HAO1: variants seen among roughly 807,000 people sequenced by gnomAD.
HAO1 encodes the protein hydroxyacid oxidase 1.
In HAO1, 34 loss-of-function variants were observed where a neutral mutation model predicts 39.7. The observed-to-expected ratio is 0.86, with a 90% CI of 0.65 to 1.14. The LOEUF is 1.14. Ranked by LOEUF, HAO1 falls within the 50% of genes most tolerant of loss-of-function variation. The pLI is 0.00. For missense variants in HAO1, 479 were observed against 464.5 expected (o/e 1.03, Z -0.29); for synonymous variants, 172 against 173.2 (o/e 0.99, Z 0.05).
chr20:7,919,997 TATTC>T (rs2050323568), intron 2 of HAO1, among the ~76,000 whole-genome samples: 1 of 152,168 alleles, frequency 6.6e-6, no homozygotes, highest in Non-Finnish European at 1.5e-5. Context: ...CTAATGACCA[TATTC>T]ATCACCTCAC....
chr20:7,928,045 GATC>G (rs2050367589), intron 2 of HAO1, among the ~76,000 whole-genome samples: 3 of 152,172 alleles, frequency 2.0e-5, no homozygotes, highest in Admixed American at 2.0e-4. Context: ...AAATGCTGGT[GATC>G]ATCATTTTTC....
intron 7 of HAO1, 137 bp from the exon 8 acceptor site, chr20:7,883,800 A>G (rs1160693727): frequency 1.4e-6 from 1 of 723,378 alleles, no homozygotes; most frequent in Non-Finnish European, 2.4e-6. Flanking sequence ...CTTATGTGGC[A>G]TGAGACCATT....
intron 1 of HAO1, among the ~76,000 whole-genome samples, chr20:7,935,330 G>A (rs1040204262): frequency 2.0e-4 from 31 of 152,274 alleles, no homozygotes; most frequent in Admixed American, 1.2e-3. Flanking sequence ...TTCACGTACA[G>A]GTTCTTGTGT....
chr20:7,893,703 C>T (rs775474612), intron 5 of HAO1, among the ~76,000 whole-genome samples: 24 of 152,136 alleles, frequency 1.6e-4, no homozygotes, highest in Non-Finnish European at 8.8e-5. Flanking sequence ...AATCAGCACT[C>T]GCCACTTTCC....
chr20:7,905,556 T>A (rs956744205), intron 4 of HAO1, among the ~76,000 whole-genome samples: 3 of 152,172 alleles, frequency 2.0e-5, no homozygotes, highest in African/African-American at 7.2e-5. Flanking sequence ...ATTATAGTCA[T>A]TGGTATCTCC....
chr20:7,898,766 G>A (rs1053932343), intron 4 of HAO1, among the ~76,000 whole-genome samples: 1 of 152,038 alleles, frequency 6.6e-6, no homozygotes, highest in African/African-American at 2.4e-5. Context: ...ATATTGCACA[G>A]CTCACCTTCA....
chr20:7,897,456 C>T (rs562329601), intron 4 of HAO1, among the ~76,000 whole-genome samples: 1 of 151,684 alleles, frequency 6.6e-6, no homozygotes, highest in Non-Finnish European at 1.5e-5. Context: ...ATAATTTTTT[C>T]TTTCTATTTA....
At chr20:7,935,055 T>C (rs62198476) in intron 1 of HAO1, among the ~76,000 whole-genome samples, 12,722 of 152,258 alleles carry the variant, frequency 0.084, 881 homozygotes, top group East Asian at 0.31. Flanking sequence ...CATTTTTTCT[T>C]TGTCCTGATA....
chr20:7,896,498 T>C (rs1156722527), intron 4 of HAO1, among the ~76,000 whole-genome samples: 1 of 152,190 alleles, frequency 6.6e-6, no homozygotes, highest in Non-Finnish European at 1.5e-5. Flanking sequence ...CTTTGTTTTA[T>C]ACAAGGCTAT....
At chr20:7,908,883 C>A (rs6086278) in intron 3 of HAO1, among the ~76,000 whole-genome samples, 1 of 152,022 alleles carries the variant, frequency 6.6e-6, no homozygotes, top group Non-Finnish European at 1.5e-5. Context: ...CCATGGAGAC[C>A]TATTTCATTA....
At position 7,913,298 on chromosome 20, in the gene HAO1, A is replaced by G. The variant is rs186513549; in HGVS notation, c.545+866T>C. Among the ~76,000 whole-genome samples, 10 of 152,128 alleles carry G rather than the reference A, an allele frequency of 6.6e-5. No homozygotes were observed. The East Asian group carries it at 1.9e-3, about 30-fold the overall frequency. The stretch of plus-strand genomic sequence containing the variant: ...ATTCTGATGGATGCTGTAGGAGTCC[A>G]TCATAAAAATGTCCTCCATTAAAAC... On this transcript the variant is annotated intron_variant, in intron 3 of 7. Transcript: ENST00000378789.
intron 2 of HAO1, among the ~76,000 whole-genome samples, chr20:7,925,837 T>A (rs2050356735): frequency 6.6e-6 from 1 of 152,130 alleles, no homozygotes; most frequent in African/African-American, 2.4e-5. Flanking sequence ...ATCGTAGAAA[T>A]CACTCCATTC....
chr20:7,883,347 GTT>G lies in HAO1; in HGVS notation c.*244_*245del, dbSNP rs1056713762. 1.9e-5 allele frequency: 10 copies of G among 517,874 alleles called. No homozygotes were observed. The highest frequency in any genetic ancestry group is 3.1e-5 in the Non-Finnish European group (9 of 287,968). 32.1% of individuals were successfully genotyped at this position (517,874 alleles called of 1,614,324 possible). ...GACGTTGTCTAAACACATTTTCAAT[GTT>G]TTCTTTTTAACAGTTAATATATTTC... On this transcript the variant is annotated 3_prime_UTR_variant, in exon 8 of 8. Coordinates refer to ENST00000378789, the MANE Select transcript of HAO1 (RefSeq NM_017545.3).
chr20:7,924,194 G>GTGTTGTTGT (rs3835201), intron 2 of HAO1, among the ~76,000 whole-genome samples: 6,287 of 148,674 alleles, frequency 0.042, 335 homozygotes, highest in East Asian at 0.25. Context: ...AGTTTGGGTT[G>GTGTTGTTGT]TGTTGTTGTT....
At position 7,883,543 on chromosome 20, in the gene HAO1, G is replaced by C; in HGVS notation, c.*50C>G. The C allele has an allele frequency of 7.5e-7, 1 of 1,341,374 alleles. No individual in the cohort carries two copies. Among genetic ancestry groups the C allele is most frequent in the Non-Finnish European group, 1.1e-6 (1 of 931,042 alleles). 83.1% of individuals were successfully genotyped at this position (1,341,374 alleles called of 1,614,324 possible). Reference sequence around the variant, plus strand: ...CCTCTGCACAGTGTCTCTTTGTCAAGTAATACATGCTGAAAAAAAATAATA... The same window carrying C: ...CCTCTGCACAGTGTCTCTTTGTCAACTAATACATGCTGAAAAAAAATAATA... On this transcript the variant is annotated 3_prime_UTR_variant, in exon 8 of 8. Transcript: ENST00000378789.
chr20:7,927,319 T>G (rs2050363913), intron 2 of HAO1, among the ~76,000 whole-genome samples: 1 of 152,190 alleles, frequency 6.6e-6, no homozygotes, highest in African/African-American at 2.4e-5. Flanking sequence ...TCCTTCCATA[T>G]GTTAAATATT....
chr20:7,904,520 G>C (rs913442405), intron 4 of HAO1, among the ~76,000 whole-genome samples: 1 of 152,142 alleles, frequency 6.6e-6, no homozygotes, highest in Non-Finnish European at 1.5e-5. Context: ...CTATTGGCTT[G>C]ATATCATGGC....
Position 7,895,116 on chromosome 20 carries a change from C to T in HAO1, c.813+17G>A, listed in dbSNP as rs8124232. Reference sequence around the variant, plus strand: ...TGGGAACTCCAAAAGGAAATCTTAGCGTCTGCCAAAACTCACAGTGGCTGG... The same window carrying T: ...TGGGAACTCCAAAAGGAAATCTTAGTGTCTGCCAAAACTCACAGTGGCTGG... On this transcript the variant is annotated intron_variant, in intron 5 of 7. Transcript: ENST00000378789. 8,954 of 1,507,792 alleles carry T rather than the reference C, an allele frequency of 5.9e-3. 425 individuals carry two copies. The African/African-American group carries it at 0.11, about 18-fold the overall frequency. 93.4% of individuals were successfully genotyped at this position (1,507,792 alleles called of 1,614,324 possible). A position where few individuals can be genotyped will look rare whatever the true frequency, so the allele number is the denominator to read the frequency against.
At chr20:7,907,822 A>G (rs1189856064) in intron 3 of HAO1, among the ~76,000 whole-genome samples, 7 of 152,140 alleles carry the variant, frequency 4.6e-5, no homozygotes, top group Non-Finnish European at 7.3e-5. Context: ...TGGATGGATG[A>G]CTTCAGGATA....
Sources: gnomAD v4.1 joint callset for allele counts (sites outside exome capture counted in the v4.1 genomes callset) on GRCh38, gnomAD v4.1.1 for gene constraint, MANE v1.5 for transcripts, NCBI Gene and HGNC (gene_info 2026-07-23, HGNC 2026-07-21) for gene names.